CTNNA2: variants seen among roughly 807,000 people sequenced by gnomAD.
CTNNA2 encodes the protein catenin alpha-2.
A neutral mutation model predicts 101.0 loss-of-function variants in CTNNA2; 42 were observed. The observed-to-expected ratio is 0.42, with a 90% CI of 0.32 to 0.54. CTNNA2 has a LOEUF of 0.54. CTNNA2 is among the 20% of genes least tolerant of loss of function. CTNNA2 has a pLI of 0.14. For missense variants in CTNNA2, 871 were observed against 1,223.1 expected, an observed-to-expected ratio of 0.71 and a Z score of 4.29; for synonymous variants, 450 against 456.4, an observed-to-expected ratio of 0.99 and a Z score of 0.18.
At chr2:80,612,211 G>A (rs1305115902) in intron 17 of CTNNA2, among the ~76,000 whole-genome samples, 1 of 151,558 alleles carries the variant, frequency 6.6e-6, no homozygotes, top group Non-Finnish European at 1.5e-5. Flanking sequence ...GGTAGGATTT[G>A]AATTGGTAAA....
chr2:79,867,901 A>G (rs1032825833), intron 4 of CTNNA2, among the ~76,000 whole-genome samples: 1 of 152,196 alleles, frequency 6.6e-6, no homozygotes, highest in Admixed American at 6.5e-5. Context: ...GCTGCCAAGA[A>G]CTGTCCTTTC....
chr2:79,507,522 T>C (rs570889673), intron 5 of CTNNA2, among the ~76,000 whole-genome samples: 21 of 152,306 alleles, frequency 1.4e-4, no homozygotes, highest in African/African-American at 4.8e-4. Context: ...TCACCATCTG[T>C]GACCCTTCGA....
chr2:79,638,889 C>G (rs1176727654), intron 1 of CTNNA2, among the ~76,000 whole-genome samples: 1 of 152,198 alleles, frequency 6.6e-6, no homozygotes, highest in Non-Finnish European at 1.5e-5. Flanking sequence ...GCATTTCTTT[C>G]TTTATATCAT....
chr2:79,742,210 C>T (rs571071845), intron 2 of CTNNA2, among the ~76,000 whole-genome samples: 3 of 152,216 alleles, frequency 2.0e-5, no homozygotes, highest in South Asian at 2.1e-4. Flanking sequence ...AGAAATGTGT[C>T]GGCCCCTCCA....
intron 4 of CTNNA2, among the ~76,000 whole-genome samples, chr2:79,446,564 C>T (rs1678835516): frequency 6.6e-6 from 1 of 152,048 alleles, no homozygotes; most frequent in African/African-American, 2.4e-5. Flanking sequence ...TAACTACTTG[C>T]CAAGGCTGCT....
intron 9 of CTNNA2, among the ~76,000 whole-genome samples, chr2:80,469,295 A>G (rs567099266): frequency 6.6e-6 from 1 of 152,278 alleles, no homozygotes; most frequent in South Asian, 2.1e-4. Context: ...AACAGCCAGA[A>G]CCTCCAAGTA....
chr2:80,568,139 G>T (rs1416086832), intron 12 of CTNNA2, among the ~76,000 whole-genome samples: 1 of 152,128 alleles, frequency 6.6e-6, no homozygotes, highest in Non-Finnish European at 1.5e-5. Flanking sequence ...GCAGAGTCCT[G>T]AAAGAATCCT....
chr2:79,530,480 G>A (rs1451155266), intron 1 of CTNNA2, among the ~76,000 whole-genome samples: 4 of 150,570 alleles, frequency 2.7e-5, no homozygotes, highest in Non-Finnish European at 5.9e-5. Context: ...GGGGAAGGCA[G>A]GTGCCTCACT....
chr2:80,561,561 A>T (rs570914806), intron 12 of CTNNA2, among the ~76,000 whole-genome samples: 3 of 152,314 alleles, frequency 2.0e-5, no homozygotes, highest in African/African-American at 4.8e-5. Context: ...TGGATTCTGC[A>T]CATACAGTGG....
At chr2:79,933,268 A>G (rs1240154689) in intron 7 of CTNNA2, among the ~76,000 whole-genome samples, 1 of 152,096 alleles carries the variant, frequency 6.6e-6, no homozygotes, top group Non-Finnish European at 1.5e-5. Flanking sequence ...GCTTATATTT[A>G]TTGGATATTT....
At chr2:79,820,841 T>TGA (rs1677943278) in intron 3 of CTNNA2, among the ~76,000 whole-genome samples, 1 of 152,224 alleles carries the variant, frequency 6.6e-6, no homozygotes, top group East Asian at 1.9e-4. Context: ...ATTCAATATT[T>TGA]ACCTCATCTT....
chr2:79,256,477 A>T (rs1386186400), intron 2 of CTNNA2, among the ~76,000 whole-genome samples: 2 of 152,228 alleles, frequency 1.3e-5, no homozygotes, highest in African/African-American at 4.8e-5. Flanking sequence ...AAATCAAATA[A>T]TTAAAACACA....
intron 2 of CTNNA2, among the ~76,000 whole-genome samples, chr2:79,203,815 C>T (rs964650654): frequency 1.5e-4 from 23 of 152,136 alleles, no homozygotes; most frequent in Admixed American, 1.4e-3. Flanking sequence ...GCAGTTGATG[C>T]TTTTAGACTA....
intron 6 of CTNNA2, among the ~76,000 whole-genome samples, chr2:79,882,746 A>G (rs1447483323): frequency 6.6e-6 from 1 of 152,176 alleles, no homozygotes; most frequent in Non-Finnish European, 1.5e-5. Context: ...TCCCCCTGGG[A>G]GCTTGGCAGG....
intron 1 of CTNNA2, among the ~76,000 whole-genome samples, chr2:79,518,131 G>A (rs929326028): frequency 1.8e-4 from 27 of 152,118 alleles, no homozygotes; most frequent in Admixed American, 3.9e-4. Flanking sequence ...AAATTTCAAT[G>A]AATAATTTTT....
At chr2:79,385,971 G>C (rs1225425584) in intron 4 of CTNNA2, among the ~76,000 whole-genome samples, 1 of 152,114 alleles carries the variant, frequency 6.6e-6, no homozygotes, top group Non-Finnish European at 1.5e-5. Flanking sequence ...CTTTGCTATT[G>C]AAGAGTGCTG....
At chr2:79,765,437 G>A (rs1483042835) in intron 3 of CTNNA2, among the ~76,000 whole-genome samples, 1 of 151,968 alleles carries the variant, frequency 6.6e-6, no homozygotes, top group African/African-American at 2.4e-5. Context: ...TACTGAAGTG[G>A]TTTTCAAACT....
intron 18 of CTNNA2, among the ~76,000 whole-genome samples, chr2:80,632,965 A>G (rs1346812625): frequency 6.6e-6 from 1 of 152,212 alleles, no homozygotes; most frequent in Non-Finnish European, 1.5e-5. Context: ...TTTCACAGCC[A>G]GTAAGTGGGA....
At chr2:80,606,465 C>A (rs897359787) in intron 16 of CTNNA2, among the ~76,000 whole-genome samples, 15 of 150,904 alleles carry the variant, frequency 9.9e-5, no homozygotes, top group Non-Finnish European at 2.2e-4. Flanking sequence ...TTAAATGCTA[C>A]TATTTCACAG....
Sources: allele counts gnomAD v4.1 joint callset (sites outside exome capture counted in the v4.1 genomes callset), GRCh38; gene constraint gnomAD v4.1.1; transcripts MANE v1.5; gene names NCBI Gene and HGNC (gene_info 2026-07-23, HGNC 2026-07-21).